The following REST variants were observed in gnomAD, a reference collection of about 807,000 sequenced individuals.
REST encodes RE1-silencing transcription factor.
REST carries 1 observed loss-of-function variant against 30.4 expected under a neutral mutation model. The ratio of observed to expected loss-of-function variants is 0.03; its 90% CI spans 0.01 to 0.16. REST has a LOEUF of 0.16. Among genes scored for constraint, REST ranks in the 10% least tolerant of loss-of-function variants. The pLI is 1.00. For synonymous variants in REST, 504 were observed against 451.1 expected (o/e 1.12, Z -1.49); for missense variants, 1,259 against 1,329.5 (o/e 0.95, Z 0.82).
intron 1 of REST, among the ~76,000 whole-genome samples, chr4:56,909,743 A>G (rs1719808667): frequency 6.6e-6 from 1 of 152,260 alleles, no homozygotes; most frequent in African/African-American, 2.4e-5. Flanking sequence ...ATTGAGAAGT[A>G]ACGTAGCATC....
At chr4:56,909,465 G>C (rs1719795221) in intron 1 of REST, 1 of 152,238 alleles carries the variant, frequency 6.6e-6, no homozygotes, top group Non-Finnish European at 1.5e-5. Flanking sequence ...TGGCAGTTAG[G>C]GGTTAGGGAG....
intron 2 of REST, among the ~76,000 whole-genome samples, chr4:56,914,256 C>T (rs1345595597): frequency 2.0e-5 from 3 of 152,148 alleles, no homozygotes; most frequent in African/African-American, 7.2e-5. Context: ...ATTTTATTTA[C>T]TTATTTTTTA....
At chr4:56,912,519 A>G (rs781657) in intron 2 of REST, among the ~76,000 whole-genome samples, 33,338 of 149,634 alleles carry the variant, frequency 0.22, 3,794 homozygotes, top group East Asian at 0.4. Flanking sequence ...GTGCCTGGCT[A>G]ATTTTTTTTT....
chr4:56,916,260 C>G (rs1348799894), intron 2 of REST, among the ~76,000 whole-genome samples: 1 of 152,174 alleles, frequency 6.6e-6, no homozygotes, highest in Non-Finnish European at 1.5e-5. Context: ...TTAAAGAAAA[C>G]CTTTTTGCCT....
chr4:56,929,744 T>C, intron 3 of REST, 97 bp from the exon 4 acceptor site: 1 of 1,048,056 alleles, frequency 9.5e-7, no homozygotes, highest in South Asian at 1.8e-5. Flanking sequence ...GCATTTTAAA[T>C]AGTCTTTGTT....
At chr4:56,916,644 A>T (rs1253297476) in intron 2 of REST, among the ~76,000 whole-genome samples, 2 of 152,240 alleles carry the variant, frequency 1.3e-5, no homozygotes, top group African/African-American at 4.8e-5. Flanking sequence ...CTCAAAAAAA[A>T]ATAATAATAA....
At position 56,927,690 on chromosome 4, in the gene REST, C is replaced by A. The variant is rs181671651; in HGVS notation, c.983-2151C>A. 569 of 1,132,124 alleles carry A rather than the reference C, an allele frequency of 5.0e-4. 2 individuals are homozygous for A. In the African/African-American group the frequency reaches 8.9e-3, roughly 18 times the overall value. 70.1% of individuals were successfully genotyped at this position (1,132,124 alleles called of 1,614,324 possible). A position where few individuals can be genotyped will look rare whatever the true frequency, so the allele number is the denominator to read the frequency against. ...GTATGTATTCAGGTAGAATGTATTA[C>A]TCTTATGCCTTTAATTTGGGGGTGG... On this transcript the variant is annotated intron_variant, in intron 3 of 3. Transcript: ENST00000309042.
At position 56,932,116 on chromosome 4, in the gene REST, G is replaced by C. The variant is rs970924288; in HGVS notation, c.3258G>C (p.Val1086=). 1 of 1,613,176 alleles carries C rather than the reference G, an allele frequency of 6.2e-7. No individual in the cohort carries two copies. Among genetic ancestry groups the C allele is most frequent in the South Asian group, 1.1e-5 (1 of 91,012 alleles). ...ACCTCAATCGCCATTTGGTTAATGT[G>C]TACTATCTTGAAGAAGCAGCTCAAG... ...SKHLNRHLVN[V]YYLEEAAQGQ... Residue 1086 remains valine, a synonymous_variant, in exon 4 of 4, where the codon GTG becomes GTC. Coordinates refer to ENST00000309042, the MANE Select transcript of REST (RefSeq NM_005612.5).
Position 56,932,211 on chromosome 4 carries a change from AT to A in REST, c.*62del. On this transcript the variant is annotated 3_prime_UTR_variant, in exon 4 of 4. Coordinates refer to ENST00000309042, the MANE Select transcript of REST (RefSeq NM_005612.5). ...GTAAGGTATATTACATTTTATATTCATTTATGATAGCAGACAACCTTTTAAG... is the reference window on the plus strand; with the variant it reads ...GTAAGGTATATTACATTTTATATTCATTATGATAGCAGACAACCTTTTAAG... 6.7e-7 allele frequency: 1 copy of A among 1,496,406 alleles called. No individual in the cohort carries two copies. Among genetic ancestry groups the A allele is most frequent in the Non-Finnish European group, 9.0e-7 (1 of 1,116,288 alleles). 92.7% of individuals were successfully genotyped at this position (1,496,406 alleles called of 1,614,324 possible).
At chr4:56,914,754 G>A (rs750787923) in intron 2 of REST, among the ~76,000 whole-genome samples, 5 of 151,800 alleles carry the variant, frequency 3.3e-5, no homozygotes, top group Admixed American at 3.3e-4. Flanking sequence ...TGGTTTCACC[G>A]TGTTGGCCAG....
intron 2 of REST, among the ~76,000 whole-genome samples, chr4:56,917,287 AG>A (rs1720242950): frequency 6.6e-6 from 1 of 152,326 alleles, no homozygotes; most frequent in South Asian, 2.1e-4. Context: ...AATAGTTATG[AG>A]GAACACATTT....
rs951015120 is a variant in REST, at chr4:56,933,848, A to G, written c.*1696A>G. 1 of 152,186 alleles carries G rather than the reference A, an allele frequency of 6.6e-6. No homozygotes were observed. Among genetic ancestry groups the G allele is most frequent in the African/African-American group, 2.4e-5 (1 of 41,446 alleles). 9.4% of individuals were successfully genotyped at this position (152,186 alleles called of 1,614,324 possible). A position where few individuals can be genotyped will look rare whatever the true frequency, so the allele number is the denominator to read the frequency against. On this transcript the variant is annotated 3_prime_UTR_variant, in exon 4 of 4. Transcript: ENST00000309042. ...TACTCCGTTTTGAAATAACCACTTTATATTTCATTTTTTAAAAATCTGATG... is the reference window on the plus strand; with the variant it reads ...TACTCCGTTTTGAAATAACCACTTTGTATTTCATTTTTTAAAAATCTGATG...
At chr4:56,924,924 G>C (rs1411090484) in intron 3 of REST, among the ~76,000 whole-genome samples, 1 of 151,938 alleles carries the variant, frequency 6.6e-6, no homozygotes, top group Non-Finnish European at 1.5e-5. Context: ...CTAGCGCTTT[G>C]GGAAACCATG....
Position 56,932,460 on chromosome 4 carries a change from C to A in REST, c.*308C>A. On this transcript the variant is annotated 3_prime_UTR_variant, in exon 4 of 4. Transcript: ENST00000309042. ...AGCTACAACTTGTCATTTTTTTCTC[C>A]ATGTCTTATCTTCCTGTTTCACTTT... 4.7e-6 allele frequency: 1 copy of A among 211,920 alleles called. No individual in the cohort carries two copies. Among genetic ancestry groups the A allele is most frequent in the Non-Finnish European group, 9.2e-6 (1 of 108,152 alleles). 13.1% of individuals were successfully genotyped at this position (211,920 alleles called of 1,614,324 possible). A position where few individuals can be genotyped will look rare whatever the true frequency, so the allele number is the denominator to read the frequency against.
Position 56,909,934 on chromosome 4 carries a change from C to T in REST, c.-9-696C>T, listed in dbSNP as rs532222016. On this transcript the variant is annotated intron_variant, in intron 1 of 3. Transcript: ENST00000309042. ...GAACTTCAGCCTGCAGAAAAATAAGCTTATTAATTTTTATTTGTGAAGTTT... is the reference window on the plus strand; with the variant it reads ...GAACTTCAGCCTGCAGAAAAATAAGTTTATTAATTTTTATTTGTGAAGTTT... Among the ~76,000 whole-genome samples the T allele has an allele frequency of 5.9e-5, 9 of 152,292 alleles. No homozygotes were observed. The East Asian group carries it at 1.2e-3, about 20-fold the overall frequency.
intron 3 of REST, among the ~76,000 whole-genome samples, chr4:56,926,070 G>A (rs182156837): frequency 6.6e-5 from 10 of 152,168 alleles, no homozygotes; most frequent in East Asian, 3.9e-4. Context: ...TTGATTGATC[G>A]ATTGATTGAG....
chr4:56,911,888 C>T (rs749993889), intron 2 of REST, among the ~76,000 whole-genome samples: 1 of 152,022 alleles, frequency 6.6e-6, no homozygotes, highest in Non-Finnish European at 1.5e-5. Context: ...CTCGGGAGGC[C>T]GAGGCGTAAG....
chr4:56,926,873 G>T (rs1720734870), intron 3 of REST, among the ~76,000 whole-genome samples: 1 of 151,854 alleles, frequency 6.6e-6, no homozygotes, highest in Non-Finnish European at 1.5e-5. Context: ...GAGGAGGGTG[G>T]ATCACCTGAG....
intron 3 of REST, among the ~76,000 whole-genome samples, chr4:56,922,853 C>G (rs571493783): frequency 3.2e-4 from 49 of 152,276 alleles, no homozygotes; most frequent in Non-Finnish European, 6.9e-4. Context: ...TAATCTTTCT[C>G]GCAAATGATA....
Sources: allele counts gnomAD v4.1 joint callset (sites outside exome capture counted in the v4.1 genomes callset), GRCh38; gene constraint gnomAD v4.1.1; transcripts MANE v1.5; gene names NCBI Gene and HGNC (gene_info 2026-07-23, HGNC 2026-07-21).